Variants in DHRS3 observed in about 807,000 individuals in gnomAD.
DHRS3 encodes dehydrogenase/reductase 3.
A neutral mutation model predicts 27.2 loss-of-function variants in DHRS3; 14 were observed. The ratio of observed to expected loss-of-function variants is 0.52; its 90% CI spans 0.34 to 0.81. The LOEUF is 0.81. DHRS3 is among the 30% of genes least tolerant of loss of function. The pLI, the probability that DHRS3 is intolerant of heterozygous loss-of-function variation, is 0.01. For synonymous variants in DHRS3, 165 were observed against 175.9 expected (o/e 0.94, Z 0.49); for missense variants, 322 against 406.2 (o/e 0.79, Z 1.78).
rs188843029 is a variant in DHRS3 at position 12,580,650 on chromosome 1, C to T, written c.212G>A (p.Arg71Gln). ...CGTCTCCTTCAGGCATTTCTCAGTC[C>T]GGCCCCAGAGAACAATCTGGAAGAA... ...RGARKIVLWGRTEKCLKETTE... is the reference protein window; with the variant it reads ...RGARKIVLWGQTEKCLKETTE... Residue 71 changes from arginine to glutamine, a missense_variant, in exon 2 of 6, where the codon CGG (arginine) becomes CAG (glutamine). Transcript: ENST00000616661. 127 of 1,613,558 alleles carry T rather than the reference C, an allele frequency of 7.9e-5. No homozygotes were observed. The East Asian group carries it at 2.2e-3, about 27-fold the overall frequency.
chr1:12,607,980 T>G (rs1359417426), intron 1 of DHRS3, among the ~76,000 whole-genome samples: 4 of 152,112 alleles, frequency 2.6e-5, no homozygotes, highest in African/African-American at 9.7e-5. Context: ...CAGGTTCAAG[T>G]GATTCTCCTG....
rs141361535 is a variant in DHRS3 at position 12,571,713 on chromosome 1, T to C, written c.824+1015A>G. ...ACCCAGCTAATTTTTTTTGTATTTT[T>C]AGTACAGACAGGGTTTCTCCATGTT... On this transcript the variant is annotated intron_variant, in intron 5 of 5. Transcript: ENST00000616661. Among the ~76,000 whole-genome samples the C allele has an allele frequency of 5.3e-3, 806 of 152,114 alleles. 3 individuals are homozygous for C. Among genetic ancestry groups the C allele is most frequent in the Non-Finnish European group, 8.9e-3 (607 of 67,970 alleles).
chr1:12,568,222 G>C lies in DHRS3; in HGVS notation c.*118C>G. On this transcript the variant is annotated 3_prime_UTR_variant, in exon 6 of 6. Transcript: ENST00000616661. The stretch of plus-strand genomic sequence containing the variant: ...AGGGGCAGCCGGATTCTTCGCTGGG[G>C]ACAGGAGCTGTCCTGCTCACCCAGC... 1.0e-6 allele frequency: 1 copy of C among 976,832 alleles called. No individual in the cohort carries two copies. Among genetic ancestry groups the C allele is most frequent in the Non-Finnish European group, 1.6e-6 (1 of 619,326 alleles). 60.5% of individuals were successfully genotyped at this position (976,832 alleles called of 1,614,324 possible). A position where few individuals can be genotyped will look rare whatever the true frequency, so the allele number is the denominator to read the frequency against.
chr1:12,571,600 G>A (rs924661787), intron 5 of DHRS3, among the ~76,000 whole-genome samples: 12 of 147,208 alleles, frequency 8.2e-5, no homozygotes, highest in African/African-American at 1.3e-4. Context: ...GTGCGATCTC[G>A]GCTCACCTCA....
chr1:12,606,651 A>G (rs1420557054), intron 1 of DHRS3, among the ~76,000 whole-genome samples: 2 of 151,430 alleles, frequency 1.3e-5, no homozygotes, highest in African/African-American at 4.9e-5. Context: ...CACCATGCCA[A>G]GCTAATTTTT....
Position 12,611,777 on chromosome 1 carries a change from T to C in DHRS3, c.195+5377A>G, listed in dbSNP as rs373799658. On this transcript the variant is annotated intron_variant, in intron 1 of 5. Coordinates refer to ENST00000616661, the MANE Select transcript of DHRS3 (RefSeq NM_004753.7). ...CTTCTCAGCTGCAACCTGGAGAAGG[T>C]AGTAACTTTTCCAGGGTCAAGAACC... Among the ~76,000 whole-genome samples, 3 of 151,946 alleles carry C rather than the reference T, an allele frequency of 2.0e-5. No homozygotes were observed. The East Asian group carries it at 5.8e-4, about 30-fold the overall frequency.
chr1:12,606,513 G>A (rs962377097), intron 1 of DHRS3, among the ~76,000 whole-genome samples: 1 of 151,870 alleles, frequency 6.6e-6, no homozygotes, highest in African/African-American at 2.4e-5. Context: ...TTTTGAGACC[G>A]AGTTTCACTC....
chr1:12,569,231 T>TCTCTCTCACACA (rs1557509331), intron 5 of DHRS3, among the ~76,000 whole-genome samples: 2 of 110,480 alleles, frequency 1.8e-5, no homozygotes, highest in Admixed American at 8.2e-5. Flanking sequence ...TCTCTCTCTC[T>TCTCTCTCACACA]CACACACACA....
chr1:12,590,956 AC>A (rs1453036624), intron 1 of DHRS3, among the ~76,000 whole-genome samples: 1 of 152,112 alleles, frequency 6.6e-6, no homozygotes, highest in Non-Finnish European at 1.5e-5. Flanking sequence ...TCCAGACTCT[AC>A]ACAATCCAGT....
intron 1 of DHRS3, among the ~76,000 whole-genome samples, chr1:12,583,140 C>T (rs564491606): frequency 1.4e-5 from 2 of 143,490 alleles, no homozygotes; most frequent in South Asian, 2.3e-4. Flanking sequence ...ACCTACCCTA[C>T]TCCATCCATC....
Position 12,583,654 on chromosome 1 carries a change from C to T in DHRS3, c.196-2988G>A, listed in dbSNP as rs1646667408. Reference sequence around the variant, plus strand: ...CCATCCCTCCCTCACATACCCCACTCCATCCATCCATCCATTCATCTGTCC... The same window carrying T: ...CCATCCCTCCCTCACATACCCCACTTCATCCATCCATCCATTCATCTGTCC... On this transcript the variant is annotated intron_variant, in intron 1 of 5. Transcript: ENST00000616661. 2.0e-5 allele frequency among the ~76,000 whole-genome samples: 3 copies of T among 150,844 alleles called. No homozygotes were observed. The South Asian group carries it at 6.3e-4, about 32-fold the overall frequency.
intron 1 of DHRS3, among the ~76,000 whole-genome samples, chr1:12,602,920 GC>G (rs1385570820): frequency 2.6e-5 from 4 of 152,270 alleles, no homozygotes; most frequent in Non-Finnish European, 5.9e-5. Context: ...CTGCCTTTGG[GC>G]CAGGTCTGGG....
At position 12,586,528 on chromosome 1, in the gene DHRS3, A is replaced by G. The variant is rs1053991718; in HGVS notation, c.196-5862T>C. On this transcript the variant is annotated intron_variant, in intron 1 of 5. Transcript: ENST00000616661. This position sits in a 1 kb window ranked among gnomAD's most constrained non-coding sequence, Gnocchi z 5.0. Reference sequence around the variant, plus strand: ...GGTGATCCAACAGAGAATGAAGCAGATGTAATCCTACTTCAAGGAACCCAC... The same window carrying G: ...GGTGATCCAACAGAGAATGAAGCAGGTGTAATCCTACTTCAAGGAACCCAC... Among the ~76,000 whole-genome samples, 3 of 152,256 alleles carry G rather than the reference A, an allele frequency of 2.0e-5. No individual in the cohort carries two copies. Among genetic ancestry groups the G allele is most frequent in the African/African-American group, 7.2e-5 (3 of 41,462 alleles).
chr1:12,568,741 T>C (rs4846119), intron 5 of DHRS3, among the ~76,000 whole-genome samples: 57,094 of 151,746 alleles, frequency 0.38, 11,295 homozygotes, highest in East Asian at 0.46. Context: ...GCCTGGGCAA[T>C]ATGGTGAAAC....
chr1:12,569,217 C>CTCT (rs782525312), intron 5 of DHRS3, among the ~76,000 whole-genome samples: 17 of 141,310 alleles, frequency 1.2e-4, no homozygotes, highest in Non-Finnish European at 2.3e-4. Flanking sequence ...AACTCTGTCC[C>CTCT]CTCTCTCTCT....
At chr1:12,588,806 T>G (rs1021294711) in intron 1 of DHRS3, among the ~76,000 whole-genome samples, 2 of 152,294 alleles carry the variant, frequency 1.3e-5, no homozygotes, top group Non-Finnish European at 2.9e-5. Context: ...AGCTGGGTGG[T>G]CTCTGGGTGC....
In DHRS3 at chr1:12,604,720, C is replaced by T. The variant is rs115100996; in HGVS notation, c.195+12434G>A. Reference sequence around the variant, plus strand: ...TGGGTTCAGAATCTGCCCTCAGCGACGTGTCCCAGGACGGCCACTTCACCT... The same window carrying T: ...TGGGTTCAGAATCTGCCCTCAGCGATGTGTCCCAGGACGGCCACTTCACCT... On this transcript the variant is annotated intron_variant, in intron 1 of 5. Transcript: ENST00000616661. Among the ~76,000 whole-genome samples the T allele has an allele frequency of 4.4e-3, 673 of 152,302 alleles. 3 individuals are homozygous for T. Among genetic ancestry groups the T allele is most frequent in the African/African-American group, 0.016 (647 of 41,560 alleles).
chr1:12,602,248 C>G (rs1384190606), intron 1 of DHRS3, among the ~76,000 whole-genome samples: 2 of 152,286 alleles, frequency 1.3e-5, no homozygotes, highest in Non-Finnish European at 1.5e-5. Flanking sequence ...AGGCTGTACC[C>G]CTGACCAGCC....
intron 1 of DHRS3, among the ~76,000 whole-genome samples, chr1:12,585,468 T>A (rs1646689594): frequency 6.6e-6 from 1 of 151,798 alleles, no homozygotes; most frequent in South Asian, 2.1e-4. Context: ...ATGCTGGGAG[T>A]CGCAGGGAAG....
Sources: allele counts gnomAD v4.1 joint callset (sites outside exome capture counted in the v4.1 genomes callset), GRCh38; gene constraint gnomAD v4.1.1; non-coding constraint Gnocchi (gnomAD v3.1); transcripts MANE v1.5; gene names NCBI Gene and HGNC (gene_info 2026-07-23, HGNC 2026-07-21).